DEFB104B: variants seen among roughly 807,000 people sequenced by gnomAD.
The protein encoded by DEFB104B is beta-defensin 104.
At chr8:7,471,902 T>C (rs1417823640) in intron 1 of DEFB104B, among the ~76,000 whole-genome samples, 1 of 146,660 alleles carries the variant, frequency 6.8e-6, no homozygotes, top group African/African-American at 2.7e-5. Context: ...ATGTCTTTCA[T>C]TTGTTCTGGT....
intron 1 of DEFB104B, among the ~76,000 whole-genome samples, chr8:7,474,070 T>C (rs914772082): frequency 7.1e-6 from 1 of 140,410 alleles, no homozygotes; most frequent in Non-Finnish European, 1.6e-5. Flanking sequence ...CCTAAACAGG[T>C]ACCCTCTGAA....
At chr8:7,473,167 G>A (rs1300966331) in intron 1 of DEFB104B, among the ~76,000 whole-genome samples, 32 of 117,346 alleles carry the variant, frequency 2.7e-4, no homozygotes, top group Admixed American at 2.4e-3. Context: ...GATTTACATT[G>A]GTTTGGTCCA....
chr8:7,474,127 AG>A lies in DEFB104B; in HGVS notation c.58+883del, dbSNP rs1192643958. On this transcript the variant is annotated intron_variant, in intron 1 of 1. Coordinates refer to ENST00000316169, the MANE Select transcript of DEFB104B (RefSeq NM_001040702.1). ...AATCACAGTGGAGGCACAGCCTGGA[AG>A]GGTAAAAAGATGGGTGCTGGGTGTC... 1.4e-5 allele frequency among the ~76,000 whole-genome samples: 2 copies of A among 141,212 alleles called. 1 individual carries two copies. Among genetic ancestry groups the A allele is most frequent in the Non-Finnish European group, 3.2e-5 (2 of 63,038 alleles). The allele number at this position is 141,212 out of a possible 152,430, so 92.6% of individuals were successfully genotyped here.
At chr8:7,471,181 CA>C (rs1810929212) in intron 1 of DEFB104B, among the ~76,000 whole-genome samples, 6 of 145,886 alleles carry the variant, frequency 4.1e-5, no homozygotes, top group Admixed American at 6.9e-5. Context: ...TATATATATA[CA>C]CATATATAGA....
chr8:7,470,808 C>T (rs1810909923), intron 1 of DEFB104B, among the ~76,000 whole-genome samples: 1 of 119,000 alleles, frequency 8.4e-6, no homozygotes, highest in African/African-American at 3.3e-5. Context: ...CTTACTTGGT[C>T]TCCAAAGCAA....
intron 1 of DEFB104B, among the ~76,000 whole-genome samples, chr8:7,470,960 C>T (rs113501330): frequency 0.085 from 10,296 of 120,452 alleles, 13 homozygotes; most frequent in Middle Eastern, 0.13. Context: ...CGTGCACTGT[C>T]CCCTCTGCCT....
chr8:7,474,196 G>T (rs1811049066), intron 1 of DEFB104B, among the ~76,000 whole-genome samples: 1 of 143,624 alleles, frequency 7.0e-6, no homozygotes, highest in Non-Finnish European at 1.6e-5. Flanking sequence ...TGGAAGAGAA[G>T]ATCCGATGGC....
intron 1 of DEFB104B, among the ~76,000 whole-genome samples, chr8:7,473,975 A>C (rs1231941758): frequency 2.2e-5 from 3 of 139,452 alleles, no homozygotes; most frequent in Admixed American, 7.2e-5. Context: ...ATCATATTTT[A>C]ACAGACCTGG....
intron 1 of DEFB104B, among the ~76,000 whole-genome samples, chr8:7,474,627 A>T (rs573957071): frequency 7.1e-6 from 1 of 141,334 alleles, no homozygotes; most frequent in African/African-American, 2.6e-5. Flanking sequence ...GGATGGGAGA[A>T]GGCATCTTAT....
At chr8:7,472,426 T>C (rs1327924642) in intron 1 of DEFB104B, among the ~76,000 whole-genome samples, 2 of 136,664 alleles carry the variant, frequency 1.5e-5, no homozygotes, top group Admixed American at 1.5e-4. Context: ...AAGTGACTAA[T>C]CTGACGTCAC....
intron 1 of DEFB104B, among the ~76,000 whole-genome samples, chr8:7,474,406 G>A (rs1360063013): frequency 2.1e-5 from 3 of 143,162 alleles, no homozygotes; most frequent in African/African-American, 5.1e-5. Context: ...TAACGTAGGA[G>A]TCAGAAGATT....
intron 1 of DEFB104B, among the ~76,000 whole-genome samples, chr8:7,471,165 T>C (rs1810927681): frequency 6.8e-6 from 1 of 146,622 alleles, no homozygotes; most frequent in African/African-American, 2.5e-5. Context: ...TGTATCTATA[T>C]AGGTATATAT....
chr8:7,472,968 TGCCTCC>T (rs1414250535), intron 1 of DEFB104B, among the ~76,000 whole-genome samples: 1 of 106,524 alleles, frequency 9.4e-6, no homozygotes, highest in East Asian at 3.8e-4. Context: ...GCGATTCTCC[TGCCTCC>T]GCCTCCTGAG....
At chr8:7,473,115 C>A (rs1811011452) in intron 1 of DEFB104B, among the ~76,000 whole-genome samples, 2 of 142,510 alleles carry the variant, frequency 1.4e-5, no homozygotes, top group African/African-American at 5.2e-5. Flanking sequence ...CCTCAGCCTC[C>A]CAAAATGCTG....
At chr8:7,473,873 G>T (rs1250296162) in intron 1 of DEFB104B, among the ~76,000 whole-genome samples, 1 of 139,764 alleles carries the variant, frequency 7.2e-6, no homozygotes, top group Non-Finnish European at 1.6e-5. Flanking sequence ...CATTCTTCGG[G>T]ATCTGGAGGG....
intron 1 of DEFB104B, among the ~76,000 whole-genome samples, chr8:7,474,413 G>A (rs1255462928): frequency 7.0e-6 from 1 of 142,996 alleles, no homozygotes; most frequent in Non-Finnish European, 1.6e-5. Flanking sequence ...GGAGTCAGAA[G>A]ATTGCTGACA....
rs1811002903 is a variant in DEFB104B, at chr8:7,472,870, T to C, written c.58+2141A>G. Among the ~76,000 whole-genome samples the C allele has an allele frequency of 1.5e-5, 2 of 132,766 alleles. 1 individual carries two copies. The highest frequency in any genetic ancestry group is 3.1e-5 in the Non-Finnish European group (2 of 63,802). 87.1% of individuals were successfully genotyped at this position (132,766 alleles called of 152,430 possible). ...GTTTGTTTGTTTGTTTGTTTGGTTT[T>C]TTTTGAGACACAGTCTTGCTCTGTC... is the stretch of plus-strand genomic sequence containing the variant. On this transcript the variant is annotated intron_variant, in intron 1 of 1. Coordinates refer to ENST00000316169, the MANE Select transcript of DEFB104B (RefSeq NM_001040702.1).
chr8:7,472,841 TTTTGTTTG>T (rs1267225092), intron 1 of DEFB104B, among the ~76,000 whole-genome samples: 3 of 135,230 alleles, frequency 2.2e-5, no homozygotes, highest in South Asian at 2.6e-4. Context: ...GCTTTGTTTT[TTTTGTTTG>T]TTTGTTTGTT....
At chr8:7,472,085 T>C (rs1485112959) in intron 1 of DEFB104B, among the ~76,000 whole-genome samples, 2 of 149,502 alleles carry the variant, frequency 1.3e-5, no homozygotes, top group Admixed American at 6.6e-5. Context: ...GCTGTAGGCT[T>C]CATTCAAAAG....
Sources: allele counts gnomAD v4.1 joint callset (sites outside exome capture counted in the v4.1 genomes callset), GRCh38; gene constraint gnomAD v4.1.1; transcripts MANE v1.5; gene names NCBI Gene and HGNC (gene_info 2026-07-23, HGNC 2026-07-21).